Variants in SAMD8 observed in about 807,000 individuals in gnomAD.
SAMD8 encodes sterile alpha motif domain containing 8.
A neutral mutation model predicts 42.0 loss-of-function variants in SAMD8; 20 were observed. The observed-to-expected ratio is 0.48, with a 90% CI of 0.34 to 0.69. The LOEUF (loss-of-function observed/expected upper bound fraction) is 0.69. SAMD8 is among the 30% of genes least tolerant of loss of function. The probability of loss-of-function intolerance (pLI) is 0.01; values close to 1 mark genes in which losing one functional copy is unlikely to be tolerated. For missense variants in SAMD8, 328 were observed against 511.6 expected (o/e 0.64, Z 3.46); for synonymous variants, 162 against 173.0 (o/e 0.94, Z 0.50).
chr10:75,181,650 CTA>C lies in SAMD8; in HGVS notation c.*4960_*4961del, dbSNP rs1372201939. On this transcript the variant is annotated 3_prime_UTR_variant, in exon 6 of 6. Coordinates refer to ENST00000542569, the MANE Select transcript of SAMD8 (RefSeq NM_001174156.2). ...GCCTGATATGGCAGGAGAAAGAACACTATGGTAATTTCATTGTTACTTCAGGT... is the reference window on the plus strand; with the variant it reads ...GCCTGATATGGCAGGAGAAAGAACACTGGTAATTTCATTGTTACTTCAGGT... The C allele has an allele frequency of 6.6e-6, 1 of 152,168 alleles. No individual in the cohort carries two copies. Among genetic ancestry groups the C allele is most frequent in the African/African-American group, 2.4e-5 (1 of 41,440 alleles). The allele number at this position is 152,168 out of a possible 1,614,324, so 9.4% of individuals were successfully genotyped here.
Position 75,102,557 on chromosome 10 carries a change from C to T in SAMD8, c.-16+2829C>T, listed in dbSNP as rs540629253. Among the ~76,000 whole-genome samples the T allele has an allele frequency of 6.6e-5, 10 of 152,298 alleles. No individual in the cohort carries two copies. The East Asian group carries it at 9.6e-4, about 15-fold the overall frequency. On this transcript the variant is annotated intron_variant, in intron 1 of 3. Transcript: ENST00000447533. ...ATGCAGTGGCTAATGCCTATAATCC[C>T]GACACTTTGGGAGGCTGAGGTGGGA...
At chr10:75,157,227 A>G (rs544054123) in intron 2 of SAMD8, among the ~76,000 whole-genome samples, 14 of 151,966 alleles carry the variant, frequency 9.2e-5, no homozygotes, top group Non-Finnish European at 1.8e-4. Flanking sequence ...CAAAGAAATG[A>G]TGAGGGGGAG....
At chr10:75,161,704 G>GA (rs527849830) in intron 2 of SAMD8, among the ~76,000 whole-genome samples, 127 of 147,098 alleles carry the variant, frequency 8.6e-4, no homozygotes, top group African/African-American at 1.9e-3. Context: ...GCTTTTGGGG[G>GA]AAAAAAAAAA....
At chr10:75,131,872 CTG>C (rs1169373279) in intron 1 of SAMD8, among the ~76,000 whole-genome samples, 1 of 152,194 alleles carries the variant, frequency 6.6e-6, no homozygotes, top group African/African-American at 2.4e-5. Flanking sequence ...TCAAGCCTCA[CTG>C]TGCATTAGAA....
At chr10:75,120,359 C>G (rs886681407) in intron 1 of SAMD8, among the ~76,000 whole-genome samples, 1 of 152,150 alleles carries the variant, frequency 6.6e-6, no homozygotes, top group Admixed American at 6.5e-5. Context: ...GCAAGCTCCG[C>G]CTCCCAGGTT....
chr10:75,136,873 T>C (rs1839898937), intron 1 of SAMD8, among the ~76,000 whole-genome samples: 1 of 152,166 alleles, frequency 6.6e-6, no homozygotes, highest in African/African-American at 2.4e-5. Flanking sequence ...CACAATGAAA[T>C]ACTACTTTAT....
At chr10:75,128,965 A>T (rs1396105775) in intron 1 of SAMD8, among the ~76,000 whole-genome samples, 4 of 152,194 alleles carry the variant, frequency 2.6e-5, no homozygotes, top group African/African-American at 9.6e-5. Context: ...GGGTCTTTTA[A>T]CAAAAGTTGA....
rs1433682736 is a variant in SAMD8 at position 75,179,839 on chromosome 10, T to A, written c.*3147T>A. ...AGCTACATGGCTTTGGTCTACATAT[T>A]TTTTGACCTTGTATTTGGTTCTGTA... On this transcript the variant is annotated 3_prime_UTR_variant, in exon 6 of 6. Transcript: ENST00000542569. 6.6e-6 allele frequency: 1 copy of A among 152,174 alleles called. No homozygotes were observed. The highest frequency in any genetic ancestry group is 1.5e-5 in the Non-Finnish European group (1 of 68,032). 9.4% of individuals were successfully genotyped at this position (152,174 alleles called of 1,614,324 possible).
intron 1 of SAMD8, among the ~76,000 whole-genome samples, chr10:75,100,215 G>C (rs901901243): frequency 2.6e-5 from 4 of 152,148 alleles, no homozygotes; most frequent in South Asian, 2.1e-4. Flanking sequence ...AAGGATTTGG[G>C]GGCTGGTAGG....
At chr10:75,129,368 G>A (rs932385722) in intron 1 of SAMD8, among the ~76,000 whole-genome samples, 1 of 152,024 alleles carries the variant, frequency 6.6e-6, no homozygotes, top group Non-Finnish European at 1.5e-5. Flanking sequence ...AGTCTCCCAA[G>A]TAGCTGGGAT....
chr10:75,109,116 T>C, upstream of SAMD8: 1 of 1,610,954 alleles, frequency 6.2e-7, no homozygotes, highest in South Asian at 1.1e-5. Context: ...AAGGCGTGGC[T>C]TTGTCCTCTC....
chr10:75,167,474 C>T (rs1055846715), intron 3 of SAMD8, among the ~76,000 whole-genome samples: 2 of 152,148 alleles, frequency 1.3e-5, no homozygotes, highest in Non-Finnish European at 2.9e-5. Context: ...CTCCTTCCTG[C>T]CTTGGTCTCC....
intron 1 of SAMD8, among the ~76,000 whole-genome samples, chr10:75,141,221 G>T (rs543750957): frequency 1.2e-4 from 18 of 152,048 alleles, no homozygotes; most frequent in African/African-American, 4.1e-4. Context: ...AGTGTGGTGC[G>T]CATGCACCTG....
Position 75,178,123 on chromosome 10 carries a change from T to C in SAMD8, c.*1431T>C, listed in dbSNP as rs961830307. The C allele has an allele frequency of 6.6e-6, 1 of 152,240 alleles. No individual in the cohort carries two copies. The highest frequency in any genetic ancestry group is 6.5e-5 in the Admixed American group (1 of 15,272). The allele number at this position is 152,240 out of a possible 1,614,324, so 9.4% of individuals were successfully genotyped here. A position where few individuals can be genotyped will look rare whatever the true frequency, so the allele number is the denominator to read the frequency against. Reference sequence around the variant, plus strand: ...TGGGTGAAATATTTTATTTTTGCACTTTGAGTCATATTCCCACCCCTGTAT... The same window carrying C: ...TGGGTGAAATATTTTATTTTTGCACCTTGAGTCATATTCCCACCCCTGTAT... On this transcript the variant is annotated 3_prime_UTR_variant, in exon 6 of 6. Transcript: ENST00000542569.
At chr10:75,168,089 C>G (rs991531558) in intron 3 of SAMD8, among the ~76,000 whole-genome samples, 2 of 152,016 alleles carry the variant, frequency 1.3e-5, no homozygotes, top group Non-Finnish European at 2.9e-5. Context: ...CTCCACCTCC[C>G]GGGTTCAAGT....
At chr10:75,136,589 A>G (rs2134453943) in intron 1 of SAMD8, among the ~76,000 whole-genome samples, 1 of 152,258 alleles carries the variant, frequency 6.6e-6, no homozygotes, top group Admixed American at 6.5e-5. Flanking sequence ...AGAGAGAGAA[A>G]CTTCTTTGGT....
chr10:75,151,055 G>A lies in SAMD8; in HGVS notation c.527G>A (p.Arg176Gln), dbSNP rs765780958. ...TSFIMVIVHERVPDMQTYPPL... is the reference protein window; with the variant it reads ...TSFIMVIVHEQVPDMQTYPPL... Reference sequence around the variant, plus strand: ...TTCATTATGGTTATAGTCCATGAGCGAGTGCCTGACATGCAGACCTATCCA... The same window carrying A: ...TTCATTATGGTTATAGTCCATGAGCAAGTGCCTGACATGCAGACCTATCCA... Residue 176 changes from arginine to glutamine, a missense_variant, in exon 2 of 6, where the codon CGA becomes CAA. Coordinates refer to ENST00000542569, the MANE Select transcript of SAMD8 (RefSeq NM_001174156.2). 8 of 1,571,212 alleles carry A rather than the reference G, an allele frequency of 5.1e-6. No individual in the cohort carries two copies. The highest frequency in any genetic ancestry group is 2.3e-5 in the East Asian group (1 of 44,350).
Position 75,177,944 on chromosome 10 carries a change from T to C in SAMD8, c.*1252T>C, listed in dbSNP as rs1023782037. 5 of 152,238 alleles carry C rather than the reference T, an allele frequency of 3.3e-5. No homozygotes were observed. The highest frequency in any genetic ancestry group is 9.6e-5 in the African/African-American group (4 of 41,466). 9.4% of individuals were successfully genotyped at this position (152,238 alleles called of 1,614,324 possible). A position where few individuals can be genotyped will look rare whatever the true frequency, so the allele number is the denominator to read the frequency against. On this transcript the variant is annotated 3_prime_UTR_variant, in exon 6 of 6. Transcript: ENST00000542569. ...TTATGACAGTAGGATGGTTATGGAA[T>C]TGGAATTTAAACTCCCAACTAATGA...
upstream of SAMD8, chr10:75,111,479 C>A (rs888149823): frequency 9.0e-6 from 11 of 1,221,088 alleles, no homozygotes; most frequent in Non-Finnish European, 1.1e-5. Flanking sequence ...CCGGTAGGGC[C>A]CCGCCTCCCG....
Sources: allele counts gnomAD v4.1 joint callset (sites outside exome capture counted in the v4.1 genomes callset), GRCh38; gene constraint gnomAD v4.1.1; transcripts MANE v1.5; gene names NCBI Gene and HGNC (gene_info 2026-07-23, HGNC 2026-07-21).